The following TLN2 variants were observed in gnomAD, a reference collection of about 807,000 sequenced individuals.
TLN2 encodes the protein talin 2, also known as talin-2.
A neutral mutation model predicts 294.7 loss-of-function variants in TLN2; 118 were observed. That is an observed-to-expected ratio of 0.40 (90% confidence interval 0.34 to 0.47). The LOEUF is 0.47. TLN2 is among the 20% of genes least tolerant of loss of function. TLN2 has a pLI of 0.84. For synonymous variants in TLN2, 1,431 were observed against 1,304.5 expected (o/e 1.10, Z -2.09); for missense variants, 3,083 against 3,282.2 (o/e 0.94, Z 1.48).
At chr15:62,640,505 C>T (rs1159293065) in intron 3 of TLN2, 1 of 374,308 alleles carries the variant, frequency 2.7e-6, no homozygotes, top group African/African-American at 2.1e-5. Context: ...TGCAGAGCCC[C>T]CATTGTGCCC....
At chr15:62,589,195 G>A (rs551365749) in intron 1 of TLN2, among the ~76,000 whole-genome samples, 1 of 152,174 alleles carries the variant, frequency 6.6e-6, no homozygotes, top group Non-Finnish European at 1.5e-5. Flanking sequence ...TTTCCATGGA[G>A]CAAGTTCCCA....
chr15:62,551,657 C>G (rs1400580903), intron 1 of TLN2, among the ~76,000 whole-genome samples: 2 of 152,146 alleles, frequency 1.3e-5, no homozygotes, highest in Non-Finnish European at 2.9e-5. Flanking sequence ...TGAGACCGTG[C>G]CATTGCACTC....
At chr15:62,711,860 T>TG in intron 21 of TLN2, 51 bp from the exon 22 acceptor site, 1 of 1,554,954 alleles carries the variant, frequency 6.4e-7, no homozygotes, top group South Asian at 1.2e-5. Flanking sequence ...GAGGTTTTAC[T>TG]GACCTTTGAA....
chr15:62,530,825 C>G (rs961353042), intron 1 of TLN2, among the ~76,000 whole-genome samples: 6 of 152,100 alleles, frequency 3.9e-5, no homozygotes, highest in African/African-American at 1.4e-4. Flanking sequence ...TTGCATTTCT[C>G]TAAGTGGAGT....
intron 1 of TLN2, among the ~76,000 whole-genome samples, chr15:62,537,071 T>G (rs1033786032): frequency 3.3e-5 from 5 of 151,224 alleles, no homozygotes; most frequent in Non-Finnish European, 5.9e-5. Flanking sequence ...CAGGCTGGAG[T>G]GCAGTGGCTT....
At position 62,750,393 on chromosome 15, in the gene TLN2, C is replaced by T. The variant is rs1478768283; in HGVS notation, c.4120-9C>T. On this transcript the variant is annotated splice_polypyrimidine_tract_variant and intron_variant, in intron 33 of 58. Coordinates refer to ENST00000636159, the MANE Select transcript of TLN2 (RefSeq NM_015059.3). Reference sequence around the variant, plus strand: ...TGCTTGCTTTTTATGTTGTGTTCTTCTTCTGTAGACTGTGAAGGGGATGTT... The same window carrying T: ...TGCTTGCTTTTTATGTTGTGTTCTTTTTCTGTAGACTGTGAAGGGGATGTT... 1 of 1,612,618 alleles carries T rather than the reference C, an allele frequency of 6.2e-7. No individual in the cohort carries two copies. Among genetic ancestry groups the T allele is most frequent in the Non-Finnish European group, 8.5e-7 (1 of 1,178,774 alleles).
At chr15:62,760,890 C>T (rs1488845069) in intron 37 of TLN2, among the ~76,000 whole-genome samples, 1 of 152,028 alleles carries the variant, frequency 6.6e-6, no homozygotes, top group Non-Finnish European at 1.5e-5. Context: ...GTGGAACACC[C>T]CTTGGTAACT....
intron 13 of TLN2, among the ~76,000 whole-genome samples, chr15:62,693,955 C>CTTTTTTTTT (rs71131123): frequency 2.1e-5 from 2 of 94,228 alleles, no homozygotes; most frequent in African/African-American, 8.0e-5. Context: ...GATTTTCTTT[C>CTTTTTTTTT]TTTTTTTTTT....
chr15:62,738,237 C>T lies in TLN2; in HGVS notation c.3591C>T (p.Ser1197=). 6.2e-7 allele frequency: 1 copy of T among 1,614,090 alleles called. No individual in the cohort carries two copies. Among genetic ancestry groups the T allele is most frequent in the Non-Finnish European group, 8.5e-7 (1 of 1,179,972 alleles). ...LAQVAKAVSH[S]LNNCVNCLPG... is the part of the protein sequence containing the mutation. ...AGGTGGCTAAAGCCGTCTCACACTC[C>T]TTGAATAACTGCGTAAATTGCCTCC... The change falls in exon 30 of 59, where the codon TCC becomes TCT. Residue 1197 remains serine (S), a synonymous_variant. Coordinates refer to ENST00000636159, the MANE Select transcript of TLN2 (RefSeq NM_015059.3).
At position 62,727,079 on chromosome 15, in the gene TLN2, T is replaced by C; in HGVS notation, c.3256-8T>C. ...CTACGTTCTTTCCCTCCTTGAATAT[T>C]CTTGTAGCTGGAAAAATGTGCTCAG... On this transcript the variant is annotated splice_polypyrimidine_tract_variant and splice_region_variant and intron_variant, in intron 27 of 58. Coordinates refer to ENST00000636159, the MANE Select transcript of TLN2 (RefSeq NM_015059.3). 1 of 1,613,804 alleles carries C rather than the reference T, an allele frequency of 6.2e-7. No homozygotes were observed. Among genetic ancestry groups the C allele is most frequent in the Non-Finnish European group, 8.5e-7 (1 of 1,179,878 alleles).
chr15:62,734,782 C>A (rs1022141348), intron 28 of TLN2, among the ~76,000 whole-genome samples: 1 of 152,160 alleles, frequency 6.6e-6, no homozygotes, highest in African/African-American at 2.4e-5. Context: ...TAAATATTTA[C>A]ATATTAGCAA....
At chr15:62,581,609 C>T (rs1482487610) in intron 1 of TLN2, among the ~76,000 whole-genome samples, 1 of 152,156 alleles carries the variant, frequency 6.6e-6, no homozygotes, top group Non-Finnish European at 1.5e-5. Context: ...TTGTTTCATT[C>T]TCCAATTGTT....
intron 1 of TLN2, among the ~76,000 whole-genome samples, chr15:62,478,652 G>A (rs891482393): frequency 6.6e-6 from 1 of 152,186 alleles, no homozygotes; most frequent in Non-Finnish European, 1.5e-5. Context: ...GGCTCAGGCT[G>A]GGAGGTAGGA....
At chr15:62,755,810 C>A (rs2062211603) in intron 37 of TLN2, 117 bp downstream of exon 37, 35 of 1,350,022 alleles carry the variant, frequency 2.6e-5, no homozygotes, top group Non-Finnish European at 3.5e-5. Flanking sequence ...ACTTCTAATT[C>A]AGTCTTATGG....
chr15:62,500,902 G>A (rs2039270095), intron 1 of TLN2, among the ~76,000 whole-genome samples: 3 of 152,244 alleles, frequency 2.0e-5, no homozygotes, highest in Admixed American at 2.0e-4. Flanking sequence ...CATCTTTTCT[G>A]AGTGTGCAGG....
chr15:62,580,666 C>T (rs1042158479), intron 1 of TLN2, among the ~76,000 whole-genome samples: 9 of 152,004 alleles, frequency 5.9e-5, no homozygotes, highest in African/African-American at 9.7e-5. Context: ...CTATCTTCGC[C>T]TCCCAAAGTG....
intron 55 of TLN2, chr15:62,835,427 A>G (rs182943887): frequency 6.8e-6 from 3 of 439,780 alleles, no homozygotes; most frequent in Non-Finnish European, 1.2e-5. Flanking sequence ...GAGTAAGTGT[A>G]GAAAGACAGC....
At chr15:62,788,925 G>A (rs984411550) in intron 45 of TLN2, among the ~76,000 whole-genome samples, 1 of 152,170 alleles carries the variant, frequency 6.6e-6, no homozygotes, top group Non-Finnish European at 1.5e-5. Context: ...AGGAACAAAG[G>A]CCCCTCAAGG....
chr15:62,806,000 G>T (rs980194034), intron 51 of TLN2, among the ~76,000 whole-genome samples: 1 of 152,094 alleles, frequency 6.6e-6, no homozygotes, highest in Non-Finnish European at 1.5e-5. Flanking sequence ...ACCAGCCTGG[G>T]CAACATAGTG....
Sources: allele counts gnomAD v4.1 joint callset (sites outside exome capture counted in the v4.1 genomes callset), GRCh38; gene constraint gnomAD v4.1.1; transcripts MANE v1.5; gene names NCBI Gene and HGNC (gene_info 2026-07-23, HGNC 2026-07-21).